The following LRRC8D variants were observed in gnomAD, a reference collection of about 807,000 sequenced individuals.
The protein encoded by LRRC8D is leucine rich repeat containing 8 VRAC subunit D, also known as volume-regulated anion channel subunit LRRC8D.
LRRC8D carries 20 observed loss-of-function variants against 55.8 expected under a neutral mutation model. That is an observed-to-expected ratio of 0.36 (90% CI 0.25 to 0.52). LRRC8D has a LOEUF of 0.52. LRRC8D is among the 20% of genes least tolerant of loss of function. LRRC8D has a pLI of 0.93. For synonymous variants in LRRC8D, 352 were observed against 377.0 expected (o/e 0.93, Z 0.77); for missense variants, 651 against 1,030.8 (o/e 0.63, Z 5.05).
chr1:89,883,690 G>T (rs1273162100), intron 2 of LRRC8D, among the ~76,000 whole-genome samples: 1 of 152,202 alleles, frequency 6.6e-6, no homozygotes, highest in African/African-American at 2.4e-5. Context: ...AGGGGCTAAT[G>T]ATAGACCCCT....
chr1:89,915,932 T>C (rs1012026755), intron 2 of LRRC8D, among the ~76,000 whole-genome samples: 2 of 152,182 alleles, frequency 1.3e-5, no homozygotes, highest in African/African-American at 4.8e-5. Flanking sequence ...AGTAACAACA[T>C]ACTGAATTAG....
chr1:89,916,783 C>T (rs1663280214), intron 2 of LRRC8D, among the ~76,000 whole-genome samples: 1 of 152,006 alleles, frequency 6.6e-6, no homozygotes, highest in Admixed American at 6.6e-5. Context: ...GGGTTTTCCT[C>T]AGGGGCCGCC....
In LRRC8D at chr1:89,821,114, G is replaced by T; in HGVS notation, c.-325G>T. 6.5e-6 allele frequency: 1 copy of T among 153,246 alleles called. No individual in the cohort carries two copies. The highest frequency in any genetic ancestry group is 1.5e-5 in the Non-Finnish European group (1 of 68,450). The allele number at this position is 153,246 out of a possible 1,614,324, so 9.5% of individuals were successfully genotyped here. A position where few individuals can be genotyped will look rare whatever the true frequency, so the allele number is the denominator to read the frequency against. On this transcript the variant is annotated 5_prime_UTR_variant, in exon 1 of 3. Transcript: ENST00000337338. ...CGCTGCCGCCGCCCGTGGTGCCCCG[G>T]CTCCTCCGCCGCGCTTCGAGGTGGC...
At chr1:89,882,565 A>G (rs1369752002) in intron 2 of LRRC8D, among the ~76,000 whole-genome samples, 2 of 152,204 alleles carry the variant, frequency 1.3e-5, no homozygotes, top group East Asian at 3.8e-4. Flanking sequence ...TAGTCCATCT[A>G]GGAGAAGAAA....
At chr1:89,838,262 C>T (rs919982595) in intron 1 of LRRC8D, among the ~76,000 whole-genome samples, 2 of 151,450 alleles carry the variant, frequency 1.3e-5, no homozygotes, top group African/African-American at 4.9e-5. Flanking sequence ...GTAGTCCCAG[C>T]TACTGGGGAG....
chr1:89,841,041 G>A (rs1391747886), intron 1 of LRRC8D, among the ~76,000 whole-genome samples: 1 of 152,156 alleles, frequency 6.6e-6, no homozygotes, highest in East Asian at 1.9e-4. Flanking sequence ...GTACTTTGTG[G>A]AAAATATGTG....
At position 89,933,242 on chromosome 1, in the gene LRRC8D, G is replaced by A. The variant is rs1329178963; in HGVS notation, c.174G>A (p.Leu58=). 1 of 1,613,988 alleles carries A rather than the reference G, an allele frequency of 6.2e-7. No individual in the cohort carries two copies. The highest frequency in any genetic ancestry group is 8.5e-7 in the Non-Finnish European group (1 of 1,180,038). ...TKDQVVCLPV[L]PSPVNSKAHT... The stretch of plus-strand genomic sequence containing the variant: ...ATCAGGTGGTCTGTTTGCCAGTATT[G>A]CCATCTCCTGTAAATTCAAAGGCAC... Residue 58 remains leucine, a synonymous_variant, in exon 3 of 3, where the codon TTG becomes TTA. Coordinates refer to ENST00000337338, the MANE Select transcript of LRRC8D (RefSeq NM_001134479.2). The surrounding 1 kb of genome is among the most constrained non-coding windows in gnomAD (Gnocchi z 7.0).
intron 2 of LRRC8D, among the ~76,000 whole-genome samples, chr1:89,909,596 G>T (rs1428430777): frequency 1.3e-5 from 2 of 152,096 alleles, no homozygotes; most frequent in African/African-American, 4.8e-5. Flanking sequence ...GCCAGGCACG[G>T]TGGCTCACGC....
intron 2 of LRRC8D, among the ~76,000 whole-genome samples, chr1:89,898,457 A>T (rs1662769869): frequency 6.6e-6 from 1 of 152,228 alleles, no homozygotes; most frequent in Non-Finnish European, 1.5e-5. Context: ...GTGGATCAGG[A>T]CATTGAAGCT....
rs147975338 is a variant in LRRC8D, at chr1:89,882,114, G to A, written c.-3+38332G>A. Among the ~76,000 whole-genome samples, 405 of 152,298 alleles carry A rather than the reference G, an allele frequency of 2.7e-3. 7 individuals are homozygous for A. Among genetic ancestry groups the A allele is most frequent in the African/African-American group, 9.4e-3 (389 of 41,564 alleles). On this transcript the variant is annotated intron_variant, in intron 2 of 2. Transcript: ENST00000337338. The stretch of plus-strand genomic sequence containing the variant: ...ATGTTTCTGGTTGTATGCTGCCTAC[G>A]GAGCTTTTGGATGCACTCTGGGACA...
At chr1:89,903,841 A>G (rs1447906602) in intron 2 of LRRC8D, among the ~76,000 whole-genome samples, 2 of 152,202 alleles carry the variant, frequency 1.3e-5, no homozygotes, top group Non-Finnish European at 2.9e-5. Flanking sequence ...CAGAAACTTT[A>G]TAGCTGGCTC....
chr1:89,921,523 TG>T (rs1663418402), intron 2 of LRRC8D, among the ~76,000 whole-genome samples: 5 of 147,166 alleles, frequency 3.4e-5, no homozygotes, highest in African/African-American at 1.2e-4. Context: ...AGGTTTTTTT[TG>T]TTTGTTTGTT....
chr1:89,889,040 G>C (rs548350449), intron 2 of LRRC8D, among the ~76,000 whole-genome samples: 1 of 152,304 alleles, frequency 6.6e-6, no homozygotes, highest in South Asian at 2.1e-4. Context: ...TCCCTCCAAA[G>C]AGCAATGTGG....
At chr1:89,926,821 G>C (rs995578007) in intron 2 of LRRC8D, among the ~76,000 whole-genome samples, 3 of 152,224 alleles carry the variant, frequency 2.0e-5, no homozygotes, top group African/African-American at 4.8e-5. Context: ...AGGTAATCTG[G>C]TAGGAAGAAC....
chr1:89,890,615 C>G (rs551889763), intron 2 of LRRC8D, among the ~76,000 whole-genome samples: 49 of 152,244 alleles, frequency 3.2e-4, no homozygotes, highest in Non-Finnish European at 5.7e-4. Context: ...TTGGAATTAT[C>G]TTTTGACTTA....
chr1:89,875,644 T>A (rs1245096426), intron 2 of LRRC8D, among the ~76,000 whole-genome samples: 4 of 152,234 alleles, frequency 2.6e-5, no homozygotes, highest in African/African-American at 9.6e-5. Flanking sequence ...TCTTCTTTAT[T>A]TCTATATGTT....
At chr1:89,827,033 A>G (rs953733583) in intron 1 of LRRC8D, among the ~76,000 whole-genome samples, 1 of 152,108 alleles carries the variant, frequency 6.6e-6, no homozygotes, top group African/African-American at 2.4e-5. Flanking sequence ...AAAAACAAAA[A>G]CCATGAAATG....
intron 2 of LRRC8D, among the ~76,000 whole-genome samples, chr1:89,916,054 T>A (rs1030685394): frequency 3.3e-5 from 5 of 152,248 alleles, no homozygotes; most frequent in African/African-American, 1.2e-4. Context: ...TAAGCGTGTT[T>A]ATGAACTGCA....
At chr1:89,896,702 C>T (rs1662722776) in intron 2 of LRRC8D, among the ~76,000 whole-genome samples, 1 of 152,176 alleles carries the variant, frequency 6.6e-6, no homozygotes, top group Non-Finnish European at 1.5e-5. Context: ...AGCGGGAAAT[C>T]GCCATATCAC....
Sources: gnomAD v4.1 joint callset for allele counts (sites outside exome capture counted in the v4.1 genomes callset) on GRCh38, gnomAD v4.1.1 for gene constraint, Gnocchi (gnomAD v3.1) non-coding constraint, MANE v1.5 for transcripts, NCBI Gene and HGNC (gene_info 2026-07-23, HGNC 2026-07-21) for gene names.